Variants in ARHGAP28 observed in about 807,000 individuals in gnomAD.
ARHGAP28 encodes the protein Rho GTPase activating protein 28.
ARHGAP28 carries 56 observed loss-of-function variants against 90.7 expected under a neutral mutation model. That is an observed-to-expected ratio of 0.62 (90% confidence interval 0.50 to 0.77). ARHGAP28 has a LOEUF of 0.77. Ranked by LOEUF, ARHGAP28 falls within the 30% of genes least tolerant of loss-of-function variation. The pLI is 0.00. For missense variants in ARHGAP28, 869 were observed against 900.9 expected, an observed-to-expected ratio of 0.96 and a Z score of 0.45; for synonymous variants, 308 against 323.3, an observed-to-expected ratio of 0.95 and a Z score of 0.51.
At chr18:6,885,020 C>A (rs889597544) in intron 11 of ARHGAP28, among the ~76,000 whole-genome samples, 5 of 152,134 alleles carry the variant, frequency 3.3e-5, no homozygotes, top group Non-Finnish European at 5.9e-5. Context: ...GGTATGACTT[C>A]GTAATTTTCA....
At position 6,870,691 on chromosome 18, in the gene ARHGAP28, C is replaced by T; in HGVS notation, c.913C>T (p.Leu305Phe). The T allele has an allele frequency of 1.2e-6, 2 of 1,611,270 alleles. No homozygotes were observed. Among genetic ancestry groups the T allele is most frequent in the Non-Finnish European group, 1.7e-6 (2 of 1,178,864 alleles). ...TACGGAGGCTCTAAAAAGAAATAAA[C>T]TTAAGAAATCAGAGATTAAGAAAGA... The part of the protein sequence containing the change: ...MVTEALKRNK[L>F]KKSEIKKEDY... The change falls in exon 7 of 18, where the codon CTT becomes TTT. Residue 305 changes from leucine to phenylalanine, a missense_variant. Transcript: ENST00000383472.
intron 1 of ARHGAP28, among the ~76,000 whole-genome samples, chr18:6,742,173 T>C (rs1360146188): frequency 6.6e-6 from 1 of 151,310 alleles, no homozygotes; most frequent in Non-Finnish European, 1.5e-5. Flanking sequence ...CTTTTTCTTT[T>C]TTTTTTTTTT....
chr18:6,841,197 CTCTCTCCTCTCCTCTCT>C (rs1198609116), intron 3 of ARHGAP28, among the ~76,000 whole-genome samples: 1 of 65,616 alleles, frequency 1.5e-5, no homozygotes, highest in African/African-American at 7.9e-5. Flanking sequence ...CTCTCTCTCT[CTCTCTCCTCTCCTCTCT>C]CTCTCTCTCC....
chr18:6,847,629 G>GA (rs199816287), intron 3 of ARHGAP28, among the ~76,000 whole-genome samples: 1 of 108,368 alleles, frequency 9.2e-6, no homozygotes, highest in Admixed American at 9.7e-5. Context: ...GAGAGAGTGG[G>GA]GGTGTGTGTG....
intron 7 of ARHGAP28, 151 bp downstream of exon 7, chr18:6,870,883 C>T (rs1265840031): frequency 3.9e-6 from 3 of 761,392 alleles, no homozygotes; most frequent in African/African-American, 1.8e-5. Flanking sequence ...TCACTGCAAG[C>T]TCTGCCTCCC....
chr18:6,753,910 C>A (rs1331550766), intron 1 of ARHGAP28, among the ~76,000 whole-genome samples: 1 of 152,186 alleles, frequency 6.6e-6, no homozygotes, highest in Non-Finnish European at 1.5e-5. Flanking sequence ...GCCATGCTAA[C>A]TTTTTGTGAC....
rs559543184 is a variant in ARHGAP28, at chr18:6,762,433, C to A, written c.122+32490C>A. ...TGTTTCTCTTTTTCAGTCTATACTGCAAAAGGATGTAATTTCATTCAGTTT... is the reference window on the plus strand; with the variant it reads ...TGTTTCTCTTTTTCAGTCTATACTGAAAAAGGATGTAATTTCATTCAGTTT... On this transcript the variant is annotated intron_variant, in intron 1 of 17. Transcript: ENST00000383472. Among the ~76,000 whole-genome samples the A allele has an allele frequency of 2.6e-5, 4 of 152,306 alleles. No individual in the cohort carries two copies. The East Asian group carries it at 7.7e-4, about 29-fold the overall frequency.
chr18:6,782,536 G>T (rs1450998997), intron 1 of ARHGAP28, among the ~76,000 whole-genome samples: 2 of 144,672 alleles, frequency 1.4e-5, no homozygotes, highest in Non-Finnish European at 3.0e-5. Context: ...TCATGCGTCA[G>T]CTTCCTGAGT....
chr18:6,880,474 G>A lies in ARHGAP28; in HGVS notation c.1291-1663G>A, dbSNP rs535449729. ...CTCCCCCAAATCATTTTTCCATCTG[G>A]CTGTCAGAAAAGACAAATCTACCCT... On this transcript the variant is annotated intron_variant, in intron 10 of 17. Transcript: ENST00000383472. Among the ~76,000 whole-genome samples the A allele has an allele frequency of 8.5e-5, 13 of 152,204 alleles. No homozygotes were observed. The South Asian group carries it at 2.7e-3, about 32-fold the overall frequency.
In ARHGAP28 at chr18:6,859,665, A is replaced by G. The variant is rs562746804; in HGVS notation, c.637-143A>G. On this transcript the variant is annotated intron_variant, in intron 4 of 17. Coordinates refer to ENST00000383472, the MANE Select transcript of ARHGAP28 (RefSeq NM_001366230.1). ...TGGCACATAATAGTGCTGCACTACC[A>G]GTTGGATGCAATTGTCCATGCACAG... 6 of 784,590 alleles carry G rather than the reference A, an allele frequency of 7.6e-6. No homozygotes were observed. The Admixed American group carries it at 1.4e-4, about 19-fold the overall frequency. The allele number at this position is 784,590 out of a possible 1,614,324, so 48.6% of individuals were successfully genotyped here. A position where few individuals can be genotyped will look rare whatever the true frequency, so the allele number is the denominator to read the frequency against.
chr18:6,837,356 A>G lies in ARHGAP28; in HGVS notation c.485A>G (p.Lys162Arg). The G allele has an allele frequency of 6.2e-7, 1 of 1,613,968 alleles. No homozygotes were observed. The highest frequency in any genetic ancestry group is 8.5e-7 in the Non-Finnish European group (1 of 1,180,006). ...CATACCTATACCCAAACCATGAGGAAAAAGGATAAGCAATCTATCAGGGAT... is the reference window on the plus strand; with the variant it reads ...CATACCTATACCCAAACCATGAGGAGAAAGGATAAGCAATCTATCAGGGAT... ...RYHTYTQTMR[K>R]KDKQSIRDVR... Residue 162 changes from lysine to arginine, a missense_variant, in exon 3 of 18, where the codon AAA (lysine) becomes AGA (arginine). By Grantham distance (26) the Lys-to-Arg change is conservative. Coordinates refer to ENST00000383472, the MANE Select transcript of ARHGAP28 (RefSeq NM_001366230.1).
intron 1 of ARHGAP28, among the ~76,000 whole-genome samples, chr18:6,809,378 A>T (rs1048025484): frequency 6.6e-6 from 1 of 152,218 alleles, no homozygotes; most frequent in Admixed American, 6.5e-5. Flanking sequence ...CCTTACTAGA[A>T]TGAAACCATA....
intron 12 of ARHGAP28, among the ~76,000 whole-genome samples, chr18:6,888,261 C>T (rs1163037422): frequency 6.6e-6 from 1 of 152,140 alleles, no homozygotes. Context: ...TTCTCTTGCT[C>T]TCTGGATAAT....
intron 2 of ARHGAP28, among the ~76,000 whole-genome samples, chr18:6,834,911 T>A (rs117319985): frequency 5.3e-5 from 8 of 152,010 alleles, no homozygotes; most frequent in Non-Finnish European, 8.8e-5. Context: ...GAATTGGGAG[T>A]GAGAAATACG....
At chr18:6,879,096 C>G (rs1218856066) in intron 10 of ARHGAP28, among the ~76,000 whole-genome samples, 1 of 152,118 alleles carries the variant, frequency 6.6e-6, no homozygotes, top group Non-Finnish European at 1.5e-5. Flanking sequence ...TTTAGCCAAA[C>G]AGGGAACACG....
chr18:6,874,750 G>C (rs1261843717), intron 9 of ARHGAP28: 1 of 152,130 alleles, frequency 6.6e-6, no homozygotes, highest in East Asian at 1.9e-4. Context: ...CACCGAGATG[G>C]CCAGAGGATA....
chr18:6,894,973 G>A (rs1262494749), intron 15 of ARHGAP28, 82 bp downstream of exon 15: 7 of 1,339,886 alleles, frequency 5.2e-6, no homozygotes, highest in Non-Finnish European at 7.5e-6. Context: ...TATGTATAAT[G>A]TTGGTCATGA....
chr18:6,893,010 A>G (rs1454403938), intron 14 of ARHGAP28, among the ~76,000 whole-genome samples: 1 of 152,192 alleles, frequency 6.6e-6, no homozygotes, highest in African/African-American at 2.4e-5. Flanking sequence ...GGCTTTTTAC[A>G]GCCTTTATTT....
rs1248006523 is a variant in ARHGAP28, at chr18:6,913,919, T to C, written c.*1765T>C. On this transcript the variant is annotated 3_prime_UTR_variant, in exon 18 of 18. Transcript: ENST00000383472. ...TTGCAATTCAGACAAGGGTAAACAT[T>C]TTACTTTATGTAATTGCCACATCCC... 3 of 152,158 alleles carry C rather than the reference T, an allele frequency of 2.0e-5. No homozygotes were observed. The highest frequency in any genetic ancestry group is 7.2e-5 in the African/African-American group (3 of 41,442). The allele number at this position is 152,158 out of a possible 1,614,324, so 9.4% of individuals were successfully genotyped here. A position where few individuals can be genotyped will look rare whatever the true frequency, so the allele number is the denominator to read the frequency against.
Sources: allele counts gnomAD v4.1 joint callset (sites outside exome capture counted in the v4.1 genomes callset), GRCh38; gene constraint gnomAD v4.1.1; transcripts MANE v1.5; gene names NCBI Gene and HGNC (gene_info 2026-07-23, HGNC 2026-07-21).